Variants in XRCC6 observed in about 807,000 individuals in gnomAD.
XRCC6 encodes the protein X-ray repair cross complementing 6, also known as DNA repair protein Ku70.
In XRCC6, 5 loss-of-function variants were observed where a neutral mutation model predicts 65.7. That is an observed-to-expected ratio of 0.08 (90% CI 0.04 to 0.16). The LOEUF (loss-of-function observed/expected upper bound fraction) is 0.16. Among genes scored for constraint, XRCC6 ranks in the 10% least tolerant of loss-of-function variants. The pLI is 1.00. For missense variants in XRCC6, 447 were observed against 738.1 expected (o/e 0.61, Z 4.57); for synonymous variants, 270 against 270.6 (o/e 1.00, Z 0.02).
intron 11 of XRCC6, among the ~76,000 whole-genome samples, chr22:41,660,599 CCT>C (rs2068090497): frequency 6.6e-6 from 1 of 152,124 alleles, no homozygotes; most frequent in African/African-American, 2.4e-5. Flanking sequence ...ATCTTTCTCA[CCT>C]CTCTGCTGGC....
In XRCC6 at chr22:41,650,791, A is replaced by G; in HGVS notation, c.1029A>G (p.Pro343=). Residue 343 remains proline, a synonymous_variant, in exon 8 of 13, where the codon CCA becomes CCG. Coordinates refer to ENST00000360079, the MANE Select transcript of XRCC6 (RefSeq NM_001469.5). ...AAGAGCTAAAACGGTTTGATGATCC[A>G]GGTTTGATGCTCATGGGTTTCAAGC... The part of the protein sequence containing the change: ...ETEELKRFDD[P]GLMLMGFKPL... 3.1e-6 allele frequency: 5 copies of G among 1,613,958 alleles called. No individual in the cohort carries two copies. The highest frequency in any genetic ancestry group is 4.2e-6 in the Non-Finnish European group (5 of 1,179,864).
chr22:41,643,612 G>C (rs2067901351), intron 6 of XRCC6, among the ~76,000 whole-genome samples: 1 of 152,088 alleles, frequency 6.6e-6, no homozygotes, highest in Non-Finnish European at 1.5e-5. Flanking sequence ...CCTGAGGTCA[G>C]TAGTGCCAGA....
At chr22:41,655,648 GA>G in intron 9 of XRCC6, among the ~76,000 whole-genome samples, 1 of 151,380 alleles carries the variant, frequency 6.6e-6, no homozygotes, top group East Asian at 2.0e-4. Flanking sequence ...TTAGTGAGCT[GA>G]GATTGCGCCA....
chr22:41,653,474 G>C, intron 8 of XRCC6, 55 bp from the exon 9 acceptor site: 3 of 1,505,076 alleles, frequency 2.0e-6, no homozygotes, highest in South Asian at 1.3e-5. Flanking sequence ...GGCTAAAAGA[G>C]AAGAAAGGAG....
At position 41,650,646 on chromosome 22, in the gene XRCC6, C is replaced by G. The variant is rs761130612; in HGVS notation, c.961-77C>G. ...TTAGAAGAGAGCTGATTTTAACTTG[C>G]TAGTGTCATCATCTTCGAGTTATTT... On this transcript the variant is annotated intron_variant, in intron 7 of 12. Coordinates refer to ENST00000360079, the MANE Select transcript of XRCC6 (RefSeq NM_001469.5). The G allele has an allele frequency of 3.2e-5, 48 of 1,485,188 alleles. No individual in the cohort carries two copies. The Admixed American group carries it at 4.1e-4, about 13-fold the overall frequency. The allele number at this position is 1,485,188 out of a possible 1,614,324, so 92.0% of individuals were successfully genotyped here.
chr22:41,647,046 C>G lies in XRCC6; in HGVS notation c.924C>G (p.Gly308=). Residue 308 remains glycine, a synonymous_variant, in exon 7 of 13, where the codon GGC becomes GGG. Transcript: ENST00000360079. The part of the protein sequence containing the change: ...TKTRTFNTST[G]GLLLPSDTKR... Reference sequence around the variant, plus strand: ...CCCGGACCTTTAATACAAGTACAGGCGGTTTGCTTCTGCCTAGCGATACCA... The same window carrying G: ...CCCGGACCTTTAATACAAGTACAGGGGGTTTGCTTCTGCCTAGCGATACCA... 1 of 1,614,078 alleles carries G rather than the reference C, an allele frequency of 6.2e-7. No individual in the cohort carries two copies. The highest frequency in any genetic ancestry group is 8.5e-7 in the Non-Finnish European group (1 of 1,180,016).
chr22:41,650,744 A>G lies in XRCC6; in HGVS notation c.982A>G (p.Ile328Val). The change falls in exon 8 of 13, where the codon ATA (isoleucine) becomes GTA (valine). Residue 328 changes from isoleucine to valine, a missense_variant. Physicochemically the swap from Ile to Val is conservative, Grantham distance 29 (BLOSUM62 3). This residue lies in a region of XRCC6 where 201 missense variants were observed against 374.1 expected (regional missense o/e 0.54). Coordinates refer to ENST00000360079, the MANE Select transcript of XRCC6 (RefSeq NM_001469.5). ...RSQIYGSRQIILEKEETEELK... is the reference protein window; with the variant it reads ...RSQIYGSRQIVLEKEETEELK... Reference sequence around the variant, plus strand: ...TCAGATCTATGGGAGTCGTCAGATTATACTGGAGAAAGAGGAAACAGAAGA... The same window carrying G: ...TCAGATCTATGGGAGTCGTCAGATTGTACTGGAGAAAGAGGAAACAGAAGA... 2 of 1,613,638 alleles carry G rather than the reference A, an allele frequency of 1.2e-6. No homozygotes were observed. Among genetic ancestry groups the G allele is most frequent in the Non-Finnish European group, 1.7e-6 (2 of 1,179,810 alleles).
At chr22:41,646,540 T>C (rs753026002) in intron 6 of XRCC6, among the ~76,000 whole-genome samples, 5 of 152,176 alleles carry the variant, frequency 3.3e-5, no homozygotes, top group Non-Finnish European at 7.4e-5. Context: ...TGGAGCATTA[T>C]GGGTTGTTAG....
intron 7 of XRCC6, 43 bp downstream of exon 7, chr22:41,647,125 G>A (rs1031122854): frequency 6.2e-7 from 1 of 1,601,520 alleles, no homozygotes; most frequent in African/African-American, 1.3e-5. Context: ...TTGAGACAGG[G>A]TCTCATTGTG....
At chr22:41,645,901 A>G (rs951181224) in intron 6 of XRCC6, among the ~76,000 whole-genome samples, 1 of 151,886 alleles carries the variant, frequency 6.6e-6, no homozygotes, top group African/African-American at 2.4e-5. Flanking sequence ...GGGTTTCACC[A>G]TGTTGGCCAA....
In XRCC6 at chr22:41,629,494, G is replaced by A. The variant is rs556548881; in HGVS notation, c.195+1264G>A. ...CATTTACATGAAATATCCAGAATAG[G>A]TAAGTTCTTAACGCAGAGGGGTGGT... On this transcript the variant is annotated intron_variant, in intron 3 of 12. Coordinates refer to ENST00000360079, the MANE Select transcript of XRCC6 (RefSeq NM_001469.5). 1.7e-4 allele frequency among the ~76,000 whole-genome samples: 26 copies of A among 152,266 alleles called. 1 individual carries two copies. The highest frequency in any genetic ancestry group is 3.4e-3 in the Middle Eastern group (1 of 294).
chr22:41,625,332 TAAG>T (rs2067658263), intron 2 of XRCC6, among the ~76,000 whole-genome samples: 2 of 152,190 alleles, frequency 1.3e-5, no homozygotes, highest in South Asian at 4.1e-4. Flanking sequence ...TTAAACTTAT[TAAG>T]AAGCAGCAGG....
At chr22:41,656,261 C>T (rs1246370967) in intron 9 of XRCC6, among the ~76,000 whole-genome samples, 1 of 150,154 alleles carries the variant, frequency 6.7e-6, no homozygotes, top group Non-Finnish European at 1.5e-5. Flanking sequence ...TACCTCACGT[C>T]TGTAATCCCA....
intron 2 of XRCC6, among the ~76,000 whole-genome samples, chr22:41,623,096 TATTTTTTA>T (rs1215783464): frequency 1.3e-5 from 2 of 152,162 alleles, no homozygotes; most frequent in Admixed American, 6.5e-5. Flanking sequence ...GAAATATATA[TATTTTTTA>T]ATTTTTTAAT....
At chr22:41,658,373 A>C in intron 11 of XRCC6, 21 bp downstream of exon 11, 1 of 1,607,004 alleles carries the variant, frequency 6.2e-7, no homozygotes, top group Non-Finnish European at 8.5e-7. Context: ...TGAATAGAGT[A>C]GTTCTTTTCA....
intron 8 of XRCC6, among the ~76,000 whole-genome samples, chr22:41,652,533 C>G (rs1333799110): frequency 6.6e-6 from 1 of 151,906 alleles, no homozygotes; most frequent in Non-Finnish European, 1.5e-5. Context: ...TCCAGCTAAT[C>G]TTTTGTAATG....
intron 3 of XRCC6, 92 bp from the exon 4 acceptor site, chr22:41,636,021 A>C: frequency 8.7e-7 from 1 of 1,144,262 alleles, no homozygotes; most frequent in Non-Finnish European, 1.2e-6. Context: ...ATACAAATTC[A>C]GTGCACATAT....
intron 7 of XRCC6, among the ~76,000 whole-genome samples, chr22:41,649,849 AT>A (rs34374816): frequency 0.66 from 97,399 of 146,802 alleles, 34,619 homozygotes; most frequent in East Asian, 0.91. Flanking sequence ...AAAAAAAAAA[AT>A]AATAATAAAT....
rs1247611135 is a variant in XRCC6, at chr22:41,663,438, T to TGA, written c.1637-184_1637-183insGA. 5.0e-4 allele frequency among the ~76,000 whole-genome samples: 76 copies of TGA among 152,264 alleles called. 1 individual carries two copies. The highest frequency in any genetic ancestry group is 1.6e-3 in the African/African-American group (68 of 41,554). Reference sequence around the variant, plus strand: ...AATTTCCTCCTAGGTGTGATCTGTGTTTTATTTTGCACTTTAAATGAAGCT... The same window carrying TGA: ...AATTTCCTCCTAGGTGTGATCTGTGTGATTTATTTTGCACTTTAAATGAAGCT... On this transcript the variant is annotated intron_variant, in intron 12 of 12. Transcript: ENST00000360079.
Sources: gnomAD v4.1 joint callset for allele counts (sites outside exome capture counted in the v4.1 genomes callset) on GRCh38, gnomAD v4.1.1 for gene constraint, gnomAD v4.1.1 regional missense constraint, MANE v1.5 for transcripts, NCBI Gene and HGNC (gene_info 2026-07-23, HGNC 2026-07-21) for gene names.